The following SMYD3 variants were observed in gnomAD, a reference collection of about 807,000 sequenced individuals.
SMYD3 encodes histone-lysine N-methyltransferase SMYD3.
SMYD3 carries 36 observed loss-of-function variants against 57.7 expected under a neutral mutation model. The ratio of observed to expected loss-of-function variants is 0.62; its 90% CI spans 0.48 to 0.82. The LOEUF (loss-of-function observed/expected upper bound fraction) is 0.82. Ranked by LOEUF, SMYD3 falls within the 40% of genes least tolerant of loss-of-function variation. The pLI, the probability that SMYD3 is intolerant of heterozygous loss-of-function variation, is 0.00. For missense variants in SMYD3, 515 were observed against 538.8 expected (o/e 0.96, Z 0.44); for synonymous variants, 211 against 195.0 (o/e 1.08, Z -0.68).
chr1:246,438,786 C>T (rs1290660976), intron 1 of SMYD3, among the ~76,000 whole-genome samples: 6 of 150,274 alleles, frequency 4.0e-5, no homozygotes, highest in Non-Finnish European at 5.9e-5. Flanking sequence ...TCCAATCATC[C>T]GATCATCAGG....
At chr1:245,892,230 A>C (rs1283799184) in intron 8 of SMYD3, among the ~76,000 whole-genome samples, 2 of 152,192 alleles carry the variant, frequency 1.3e-5, no homozygotes, top group Non-Finnish European at 2.9e-5. Context: ...AAATGATGGG[A>C]ACTGAGGATG....
chr1:246,267,075 G>A (rs148105838), intron 5 of SMYD3, among the ~76,000 whole-genome samples: 18 of 152,202 alleles, frequency 1.2e-4, no homozygotes, highest in Non-Finnish European at 2.4e-4. Flanking sequence ...TCTAGTACTG[G>A]ATAATGCAAA....
At chr1:246,377,200 TAGTG>T (rs1439971227) in intron 1 of SMYD3, among the ~76,000 whole-genome samples, 1 of 152,164 alleles carries the variant, frequency 6.6e-6, no homozygotes, top group African/African-American at 2.4e-5. Context: ...AAAAATAAGT[TAGTG>T]AGGAAAGTGG....
chr1:246,301,511 T>C (rs1487775820), intron 5 of SMYD3, among the ~76,000 whole-genome samples: 3 of 152,152 alleles, frequency 2.0e-5, no homozygotes, highest in Non-Finnish European at 4.4e-5. Flanking sequence ...CAAATTAAGA[T>C]TGATTCACCT....
In SMYD3 at chr1:246,250,109, A is replaced by G. The variant is rs796139563; in HGVS notation, c.531+77092T>C. Among the ~76,000 whole-genome samples, 64 of 152,334 alleles carry G rather than the reference A, an allele frequency of 4.2e-4. 1 individual carries two copies. The highest frequency in any genetic ancestry group is 1.5e-3 in the African/African-American group (61 of 41,570). On this transcript the variant is annotated intron_variant, in intron 5 of 11. Coordinates refer to ENST00000490107, the MANE Select transcript of SMYD3 (RefSeq NM_001167740.2). ...AAAATTCTATAAAATCTAAAACTCAAAAATGGTCTTCTCTATATTCCTGTG... is the reference window on the plus strand; with the variant it reads ...AAAATTCTATAAAATCTAAAACTCAGAAATGGTCTTCTCTATATTCCTGTG...
At chr1:245,831,542 C>T (rs949276032) in intron 10 of SMYD3, among the ~76,000 whole-genome samples, 1 of 152,250 alleles carries the variant, frequency 6.6e-6, no homozygotes, top group African/African-American at 2.4e-5. Context: ...GTGAGAAACG[C>T]ACCTGCCACA....
At chr1:246,069,783 G>A (rs2060410942) in intron 5 of SMYD3, among the ~76,000 whole-genome samples, 1 of 152,180 alleles carries the variant, frequency 6.6e-6, no homozygotes, top group Admixed American at 6.5e-5. Context: ...TGCGAAGGCT[G>A]AATTCCATTT....
intron 1 of SMYD3, among the ~76,000 whole-genome samples, chr1:246,493,644 G>A (rs2068305480): frequency 6.6e-6 from 1 of 152,134 alleles, no homozygotes. Context: ...ACTTCACAGA[G>A]CAGTAGTATC....
At chr1:245,954,721 A>G (rs1307043876) in intron 5 of SMYD3, among the ~76,000 whole-genome samples, 1 of 152,122 alleles carries the variant, frequency 6.6e-6, no homozygotes, top group Non-Finnish European at 1.5e-5. Flanking sequence ...TTCCAAATTC[A>G]TGTGCTAATC....
chr1:246,386,881 A>G (rs4654249), intron 1 of SMYD3, among the ~76,000 whole-genome samples: 2,344 of 143,366 alleles, frequency 0.016, 53 homozygotes, highest in Admixed American at 0.035. Flanking sequence ...ACAATGTTAT[A>G]CTTTCTGATA....
At chr1:246,031,104 T>C (rs780829734) in intron 5 of SMYD3, among the ~76,000 whole-genome samples, 4 of 152,204 alleles carry the variant, frequency 2.6e-5, no homozygotes, top group Non-Finnish European at 4.4e-5. Context: ...AACTTGCTTA[T>C]ACATAAAGTG....
At chr1:246,312,387 C>G (rs551283246) in intron 5 of SMYD3, among the ~76,000 whole-genome samples, 27 of 151,846 alleles carry the variant, frequency 1.8e-4, no homozygotes, top group African/African-American at 6.0e-4. Context: ...TAGGTGAGAT[C>G]GGAAGGATTT....
chr1:246,279,519 C>CAAAACA (rs958397236), intron 5 of SMYD3, among the ~76,000 whole-genome samples: 44 of 151,780 alleles, frequency 2.9e-4, no homozygotes, highest in African/African-American at 7.5e-4. Flanking sequence ...GACTCCTTCT[C>CAAAACA]AAAACAAAAA....
intron 1 of SMYD3, among the ~76,000 whole-genome samples, chr1:246,375,751 A>G (rs1367535255): frequency 1.3e-5 from 2 of 152,072 alleles, no homozygotes; most frequent in African/African-American, 4.8e-5. Flanking sequence ...TTGTTTTGAG[A>G]CAGAGTCTTG....
At chr1:245,832,489 T>G (rs2049894387) in intron 10 of SMYD3, among the ~76,000 whole-genome samples, 1 of 147,586 alleles carries the variant, frequency 6.8e-6, no homozygotes, top group Non-Finnish European at 1.5e-5. Flanking sequence ...TTTTTTGTTT[T>G]TTTTTTTTTG....
chr1:246,414,601 A>G (rs2067028010), intron 1 of SMYD3, among the ~76,000 whole-genome samples: 2 of 148,604 alleles, frequency 1.3e-5, no homozygotes, highest in South Asian at 4.3e-4. Flanking sequence ...TAAAATATAT[A>G]TATTCATATA....
At chr1:245,774,058 T>C (rs1030768292) in intron 10 of SMYD3, among the ~76,000 whole-genome samples, 1 of 150,248 alleles carries the variant, frequency 6.7e-6, no homozygotes, top group African/African-American at 2.4e-5. Context: ...CTGAAAACAA[T>C]GTAGAACGCT....
chr1:246,171,426 A>G (rs1331518059), intron 5 of SMYD3, among the ~76,000 whole-genome samples: 1 of 152,080 alleles, frequency 6.6e-6, no homozygotes, highest in Non-Finnish European at 1.5e-5. Context: ...CGGTGTCATC[A>G]CTGGAAAAGA....
At chr1:246,462,295 T>C (rs12032977) in intron 1 of SMYD3, among the ~76,000 whole-genome samples, 5,935 of 15,150 alleles carry the variant, frequency 0.39, 1,534 homozygotes, top group African/African-American at 0.54. Context: ...GTGCATCCTC[T>C]CGCGGGGCCT....
Sources: allele counts gnomAD v4.1 joint callset (sites outside exome capture counted in the v4.1 genomes callset), GRCh38; gene constraint gnomAD v4.1.1; transcripts MANE v1.5; gene names NCBI Gene and HGNC (gene_info 2026-07-23, HGNC 2026-07-21).